Variants in MPZL1 observed in about 807,000 individuals in gnomAD.
The protein encoded by MPZL1 is myelin protein zero-like protein 1.
A neutral mutation model predicts 29.3 loss-of-function variants in MPZL1; 16 were observed. That is an observed-to-expected ratio of 0.55 (90% CI 0.37 to 0.83). The LOEUF is 0.83. Among genes scored for constraint, MPZL1 ranks in the 40% least tolerant of loss-of-function variants. The pLI is 0.00. For missense variants in MPZL1, 279 were observed against 332.9 expected (o/e 0.84, Z 1.26); for synonymous variants, 143 against 132.0 (o/e 1.08, Z -0.57).
chr1:167,746,171 G>A (rs1660642134), intron 1 of MPZL1, among the ~76,000 whole-genome samples: 1 of 152,056 alleles, frequency 6.6e-6, no homozygotes, highest in South Asian at 2.1e-4. Flanking sequence ...GGAAGAGTGG[G>A]AGTTGGCCCA....
intron 1 of MPZL1, among the ~76,000 whole-genome samples, chr1:167,739,282 C>CATATATATATATATATACATAT (rs1660456623): frequency 3.3e-5 from 3 of 90,416 alleles, no homozygotes; most frequent in African/African-American, 1.9e-4. Flanking sequence ...TACATATATA[C>CATATATATATATATATACATAT]ATATATATAT....
chr1:167,750,836 C>G (rs77149468), intron 1 of MPZL1, among the ~76,000 whole-genome samples: 1,526 of 152,322 alleles, frequency 0.01, 32 homozygotes, highest in African/African-American at 0.035. Flanking sequence ...ACTTAGCCAT[C>G]ATGTCTCTTT....
rs199714136 is a variant in MPZL1 at position 167,755,772 on chromosome 1, GT to G, written c.92-9810del. On this transcript the variant is annotated intron_variant, in intron 1 of 5. Coordinates refer to ENST00000359523, the MANE Select transcript of MPZL1 (RefSeq NM_003953.6). ...TTGTGCATCCCAGGGGCCAGCCACG[GT>G]GCTTCTGCAGCCGCACTGTAGATGT... is the stretch of plus-strand genomic sequence containing the variant. 3.9e-4 allele frequency among the ~76,000 whole-genome samples: 59 copies of G among 152,304 alleles called. No homozygotes were observed. The East Asian group carries it at 8.5e-3, about 22-fold the overall frequency.
At chr1:167,741,682 T>C (rs776396533) in intron 1 of MPZL1, among the ~76,000 whole-genome samples, 2 of 152,098 alleles carry the variant, frequency 1.3e-5, no homozygotes, top group Non-Finnish European at 2.9e-5. Context: ...CCACTCCATT[T>C]TCTACATAGC....
intron 1 of MPZL1, among the ~76,000 whole-genome samples, chr1:167,757,199 C>T (rs377182526): frequency 1.3e-5 from 2 of 152,212 alleles, no homozygotes; most frequent in East Asian, 3.9e-4. Context: ...TGAGTCTGAC[C>T]CCACAGTGGC....
At chr1:167,768,653 C>T (rs1411484608) in intron 2 of MPZL1, among the ~76,000 whole-genome samples, 3 of 152,198 alleles carry the variant, frequency 2.0e-5, no homozygotes, top group Non-Finnish European at 4.4e-5. Context: ...TTGACCAAGA[C>T]GTTATTCCTC....
chr1:167,741,696 A>G (rs1660530492), intron 1 of MPZL1, among the ~76,000 whole-genome samples: 1 of 152,072 alleles, frequency 6.6e-6, no homozygotes, highest in Non-Finnish European at 1.5e-5. Flanking sequence ...ACATAGCAGC[A>G]AGAACTATTT....
chr1:167,768,593 CTA>C (rs1040819477), intron 2 of MPZL1, among the ~76,000 whole-genome samples: 25 of 152,232 alleles, frequency 1.6e-4, no homozygotes, highest in South Asian at 4.2e-4. Flanking sequence ...GATAATGATT[CTA>C]GTCTTTTCTG....
At position 167,746,804 on chromosome 1, in the gene MPZL1, A is replaced by G. The variant is rs528045841; in HGVS notation, c.92-18779A>G. On this transcript the variant is annotated intron_variant, in intron 1 of 5. Transcript: ENST00000359523. ...TAAGGGCTATATATTCTTAAATTAA[A>G]GGTGATTTATCATTCTTAGTTTCCT... Among the ~76,000 whole-genome samples the G allele has an allele frequency of 2.6e-5, 4 of 152,368 alleles. No homozygotes were observed. The South Asian group carries it at 8.3e-4, about 32-fold the overall frequency.
intron 1 of MPZL1, among the ~76,000 whole-genome samples, chr1:167,732,500 G>C (rs1204398469): frequency 6.6e-6 from 1 of 152,162 alleles, no homozygotes; most frequent in African/African-American, 2.4e-5. Context: ...TGCAGTGGCT[G>C]GCAATTCACA....
chr1:167,735,474 A>T (rs1270119616), intron 1 of MPZL1, among the ~76,000 whole-genome samples: 1 of 152,194 alleles, frequency 6.6e-6, no homozygotes, highest in East Asian at 1.9e-4. Context: ...CTCCAGAGAA[A>T]CAGAACCAGC....
At chr1:167,744,904 G>C (rs552550057) in intron 1 of MPZL1, among the ~76,000 whole-genome samples, 4 of 152,282 alleles carry the variant, frequency 2.6e-5, no homozygotes, top group Admixed American at 1.3e-4. Flanking sequence ...ACTCCGCAGA[G>C]GCGGATGGAT....
At chr1:167,740,919 A>G (rs905518059) in intron 1 of MPZL1, among the ~76,000 whole-genome samples, 2 of 152,156 alleles carry the variant, frequency 1.3e-5, no homozygotes, top group African/African-American at 4.8e-5. Flanking sequence ...GTCCAATCTA[A>G]TAGCAAGAAG....
intron 1 of MPZL1, among the ~76,000 whole-genome samples, chr1:167,745,667 A>T (rs990481187): frequency 4.6e-5 from 7 of 152,088 alleles, no homozygotes; most frequent in African/African-American, 1.7e-4. Flanking sequence ...TTATTTTCAA[A>T]CTTAATAAAT....
At chr1:167,780,184 A>G (rs1026833108) in intron 5 of MPZL1, among the ~76,000 whole-genome samples, 1 of 152,206 alleles carries the variant, frequency 6.6e-6, no homozygotes, top group Admixed American at 6.5e-5. Context: ...GGAGGGGAAA[A>G]TGAGCAAAGG....
At chr1:167,739,850 CA>C (rs1344369982) in intron 1 of MPZL1, among the ~76,000 whole-genome samples, 1 of 152,178 alleles carries the variant, frequency 6.6e-6, no homozygotes, top group Non-Finnish European at 1.5e-5. Context: ...GTAGCAACTC[CA>C]CAATCTTTTC....
intron 1 of MPZL1, among the ~76,000 whole-genome samples, chr1:167,728,680 T>G (rs1660206142): frequency 1.3e-5 from 2 of 152,212 alleles, no homozygotes; most frequent in Admixed American, 6.5e-5. Flanking sequence ...TTATGATACC[T>G]CTGATCTTAT....
intron 2 of MPZL1, among the ~76,000 whole-genome samples, chr1:167,770,128 G>C (rs185445867): frequency 1.3e-5 from 2 of 152,340 alleles, no homozygotes; most frequent in East Asian, 3.9e-4. Flanking sequence ...TTGATGGAGA[G>C]AGAGGTTTGG....
chr1:167,725,928 C>A (rs1219070152), intron 1 of MPZL1, among the ~76,000 whole-genome samples: 2 of 152,212 alleles, frequency 1.3e-5, no homozygotes, highest in South Asian at 4.1e-4. Flanking sequence ...CATCTTGGTT[C>A]GTTTTAATCC....
Sources: allele counts gnomAD v4.1 joint callset (sites outside exome capture counted in the v4.1 genomes callset), GRCh38; gene constraint gnomAD v4.1.1; transcripts MANE v1.5; gene names NCBI Gene and HGNC (gene_info 2026-07-23, HGNC 2026-07-21).